The following RIMS1 variants were observed in gnomAD, a reference collection of about 807,000 sequenced individuals.
RIMS1 encodes the protein regulating synaptic membrane exocytosis 1.
A neutral mutation model predicts 214.1 loss-of-function variants in RIMS1; 83 were observed. That is an observed-to-expected ratio of 0.39 (90% CI 0.32 to 0.47). The LOEUF (loss-of-function observed/expected upper bound fraction) is 0.47. Ranked by LOEUF, RIMS1 falls within the 20% of genes least tolerant of loss-of-function variation. The pLI is 0.99. For synonymous variants in RIMS1, 793 were observed against 786.8 expected (o/e 1.01, Z -0.13); for missense variants, 2,050 against 2,161.8 (o/e 0.95, Z 1.03).
At chr6:71,890,977 C>T (rs1168647833) in intron 1 of RIMS1, among the ~76,000 whole-genome samples, 11 of 152,146 alleles carry the variant, frequency 7.2e-5, no homozygotes, top group African/African-American at 2.2e-4. Flanking sequence ...AGTATTTTCC[C>T]GTACACTACA....
Position 72,402,202 on chromosome 6 carries a change from AATGTATG to A in RIMS1, c.*1489_*1495del, listed in dbSNP as rs2098839142. 1 of 152,640 alleles carries A rather than the reference AATGTATG, an allele frequency of 6.6e-6. No individual in the cohort carries two copies. Among genetic ancestry groups the A allele is most frequent in the Admixed American group, 6.5e-5 (1 of 15,274 alleles). 9.5% of individuals were successfully genotyped at this position (152,640 alleles called of 1,614,324 possible). On this transcript the variant is annotated 3_prime_UTR_variant, in exon 34 of 34. Coordinates refer to ENST00000521978, the MANE Select transcript of RIMS1 (RefSeq NM_014989.7). ...GAAAAGAAACAAAAGGTTATTTAAT[AATGTATG>A]TTAGTTCCACATAGGCCAGCTTGTA...
intron 1 of RIMS1, among the ~76,000 whole-genome samples, chr6:71,920,945 A>T (rs1779783357): frequency 6.6e-6 from 1 of 152,208 alleles, no homozygotes. Flanking sequence ...GACATATATC[A>T]GATACTTCTA....
chr6:72,083,339 T>G (rs915973465), intron 2 of RIMS1, among the ~76,000 whole-genome samples: 3 of 152,158 alleles, frequency 2.0e-5, no homozygotes, highest in African/African-American at 7.2e-5. Context: ...TCTTTTTTTT[T>G]GTTTGTTGTG....
intron 1 of RIMS1, among the ~76,000 whole-genome samples, chr6:71,914,139 G>A (rs1023998397): frequency 1.3e-5 from 2 of 152,106 alleles, no homozygotes; most frequent in Non-Finnish European, 2.9e-5. Context: ...TCATCTATGA[G>A]AGTGACTTGT....
At chr6:72,328,415 C>A (rs565050127) in intron 28 of RIMS1, among the ~76,000 whole-genome samples, 1 of 151,816 alleles carries the variant, frequency 6.6e-6, no homozygotes, top group Non-Finnish European at 1.5e-5. Context: ...CCTTCATGTT[C>A]TGCACATGTA....
intron 26 of RIMS1, among the ~76,000 whole-genome samples, chr6:72,293,412 C>T (rs549729734): frequency 6.6e-6 from 1 of 151,790 alleles, no homozygotes; most frequent in East Asian, 1.9e-4. Context: ...CTGGCAATAA[C>T]CCAGATGAAA....
intron 1 of RIMS1, among the ~76,000 whole-genome samples, chr6:71,917,090 T>G (rs1325636155): frequency 6.6e-6 from 1 of 152,142 alleles, no homozygotes; most frequent in Non-Finnish European, 1.5e-5. Context: ...TCTCTGTGCT[T>G]GTTTCTCTAT....
In RIMS1 at chr6:71,919,978, C is replaced by G. The variant is rs967461929; in HGVS notation, c.164+32791C>G. ...ACTCTGACTATCATGACCAACAAAA[C>G]AACAATATTTTGCCACCAGGGGAAG... is the stretch of plus-strand genomic sequence containing the variant. On this transcript the variant is annotated intron_variant, in intron 1 of 33. Coordinates refer to ENST00000521978, the MANE Select transcript of RIMS1 (RefSeq NM_014989.7). Among the ~76,000 whole-genome samples the G allele has an allele frequency of 2.0e-5, 3 of 152,130 alleles. No individual in the cohort carries two copies. The East Asian group carries it at 5.8e-4, about 29-fold the overall frequency.
chr6:72,038,730 C>T (rs1427284280), intron 2 of RIMS1, among the ~76,000 whole-genome samples: 1 of 152,124 alleles, frequency 6.6e-6, no homozygotes, highest in Admixed American at 6.6e-5. Flanking sequence ...GAAGAGTGTT[C>T]AGGCTGCAAG....
intron 26 of RIMS1, among the ~76,000 whole-genome samples, chr6:72,293,378 A>G (rs527282863): frequency 6.6e-6 from 1 of 151,918 alleles, no homozygotes; most frequent in African/African-American, 2.4e-5. Context: ...CTCTGGGAAC[A>G]TTTTAAAATT....
At chr6:72,096,249 C>G (rs891206187) in intron 2 of RIMS1, among the ~76,000 whole-genome samples, 3 of 152,068 alleles carry the variant, frequency 2.0e-5, no homozygotes, top group Non-Finnish European at 4.4e-5. Context: ...TGCATATCTA[C>G]AAGGTAAGAT....
intron 22 of RIMS1, among the ~76,000 whole-genome samples, chr6:72,273,492 T>A (rs1306095881): frequency 6.6e-6 from 1 of 152,114 alleles, no homozygotes; most frequent in East Asian, 1.9e-4. Context: ...ATGTTTGAAA[T>A]TTGTGTCTGT....
At chr6:72,275,604 G>T (rs2085960143) in intron 23 of RIMS1, among the ~76,000 whole-genome samples, 1 of 151,864 alleles carries the variant, frequency 6.6e-6, no homozygotes, top group Non-Finnish European at 1.5e-5. Context: ...CCTCAATATG[G>T]TTTACATTTA....
At chr6:72,384,282 T>C (rs1465280650) in intron 29 of RIMS1, among the ~76,000 whole-genome samples, 6 of 152,124 alleles carry the variant, frequency 3.9e-5, no homozygotes, top group African/African-American at 1.4e-4. Context: ...TACCTCTCAA[T>C]CACAACAAAC....
intron 28 of RIMS1, among the ~76,000 whole-genome samples, chr6:72,329,230 G>A (rs142668551): frequency 4.5e-4 from 69 of 151,928 alleles, no homozygotes; most frequent in African/African-American, 1.6e-3. Flanking sequence ...AGTGTCTTTG[G>A]TGGGACTTCC....
At chr6:72,342,894 A>G (rs534270858) in intron 29 of RIMS1, among the ~76,000 whole-genome samples, 7 of 151,886 alleles carry the variant, frequency 4.6e-5, no homozygotes, top group African/African-American at 9.6e-5. Flanking sequence ...GAATATTGCA[A>G]TGGGGATATT....
At chr6:72,085,671 A>T (rs1562277234) in intron 2 of RIMS1, among the ~76,000 whole-genome samples, 1 of 152,110 alleles carries the variant, frequency 6.6e-6, no homozygotes, top group Non-Finnish European at 1.5e-5. Flanking sequence ...AGAACTACTA[A>T]AAAAGCTCCT....
intron 1 of RIMS1, among the ~76,000 whole-genome samples, chr6:71,912,750 A>G (rs1777297876): frequency 6.6e-6 from 1 of 152,176 alleles, no homozygotes; most frequent in Non-Finnish European, 1.5e-5. Context: ...ATTATGTGTC[A>G]GGTACTGAAT....
intron 4 of RIMS1, among the ~76,000 whole-genome samples, chr6:72,110,053 T>G (rs1401301701): frequency 6.6e-6 from 1 of 152,172 alleles, no homozygotes; most frequent in Non-Finnish European, 1.5e-5. Context: ...TCTGTTCCAT[T>G]TATCTATATC....
Sources: allele counts gnomAD v4.1 joint callset (sites outside exome capture counted in the v4.1 genomes callset), GRCh38; gene constraint gnomAD v4.1.1; transcripts MANE v1.5; gene names NCBI Gene and HGNC (gene_info 2026-07-23, HGNC 2026-07-21).